The following SYNE2 variants were observed in gnomAD, a reference collection of about 807,000 sequenced individuals.
SYNE2 encodes nesprin-2.
Under a neutral mutation model 856.3 loss-of-function variants are expected in SYNE2, and 431 were observed. The observed-to-expected ratio is 0.50, with a 90% CI of 0.47 to 0.55. SYNE2 has a LOEUF of 0.55. Ranked by LOEUF, SYNE2 falls within the 20% of genes least tolerant of loss-of-function variation. The pLI is 0.00. For synonymous variants in SYNE2, 2,923 were observed against 2,872.3 expected, an observed-to-expected ratio of 1.02 and a Z score of -0.56; for missense variants, 8,129 against 8,023.2, an observed-to-expected ratio of 1.01 and a Z score of -0.50.
intron 2 of SYNE2, among the ~76,000 whole-genome samples, chr14:63,927,234 AG>A (rs1187545552): frequency 2.0e-5 from 3 of 152,208 alleles, no homozygotes. Flanking sequence ...GAAGCATTCC[AG>A]GGTAGAGTTG....
At chr14:63,823,066 T>C (rs1889283270) in intron 1 of SYNE2, among the ~76,000 whole-genome samples, 1 of 152,012 alleles carries the variant, frequency 6.6e-6, no homozygotes, top group South Asian at 2.1e-4. Context: ...ACCATGCTAC[T>C]GCACTCCAGC....
At chr14:63,859,949 C>T (rs12891765) in intron 1 of SYNE2, among the ~76,000 whole-genome samples, 2,579 of 35,840 alleles carry the variant, frequency 0.072, 106 homozygotes, top group South Asian at 0.29. Context: ...CCTTCCTTCC[C>T]TCCCTCCCTC....
chr14:63,982,571 A>C, intron 16 of SYNE2, 59 bp from the exon 17 acceptor site: 1 of 1,532,742 alleles, frequency 6.5e-7, no homozygotes, highest in Non-Finnish European at 9.0e-7. Flanking sequence ...CATTGATTAT[A>C]CATAATAGAA....
At chr14:64,024,699 A>G (rs2096964147) in intron 39 of SYNE2, among the ~76,000 whole-genome samples, 1 of 152,184 alleles carries the variant, frequency 6.6e-6, no homozygotes, top group African/African-American at 2.4e-5. Flanking sequence ...CCTGTTCTCT[A>G]TGAGACATTT....
Position 64,016,533 on chromosome 14 carries a change from G to T in SYNE2, c.4789G>T (p.Val1597Phe), listed in dbSNP as rs1487192395. ...HLEVVDKINQ[V>F]CKNLQFYLNK... The stretch of plus-strand genomic sequence containing the variant: ...AGAAGTTGTAGACAAGATAAACCAG[G>T]TCTGCAAAAATCTACAATTTTATCT... Residue 1597 changes from valine (V) to phenylalanine (F), a missense_variant, in exon 33 of 116, where the codon GTC (valine) becomes TTC (phenylalanine). Physicochemically the swap from Val to Phe is conservative, Grantham distance 50. Around this residue, in one of 3 missense-constraint regions of SYNE2, gnomAD observed 2,422 missense variants for 2,357.4 expected, o/e 1.03. Transcript: ENST00000555002. The T allele has an allele frequency of 6.2e-7, 1 of 1,603,982 alleles. No homozygotes were observed. Among genetic ancestry groups the T allele is most frequent in the Admixed American group, 1.7e-5 (1 of 59,364 alleles).
Position 64,034,178 on chromosome 14 carries a change from G to A in SYNE2, c.7221+2821G>A, listed in dbSNP as rs540195876. Among the ~76,000 whole-genome samples, 5 of 152,138 alleles carry A rather than the reference G, an allele frequency of 3.3e-5. No homozygotes were observed. The South Asian group carries it at 8.3e-4, about 25-fold the overall frequency. On this transcript the variant is annotated intron_variant, in intron 45 of 115. Coordinates refer to ENST00000555002, the MANE Select transcript of SYNE2 (RefSeq NM_182914.3). ...GGATTCTCAATATAATGAATACGTA[G>A]GACACATAAAGGCACAGTTTACTGA...
chr14:63,884,334 G>A (rs1204066532), intron 1 of SYNE2, among the ~76,000 whole-genome samples: 1 of 152,174 alleles, frequency 6.6e-6, no homozygotes, highest in African/African-American at 2.4e-5. Context: ...AAAGGTAGGA[G>A]TTACTCGTTG....
rs1314619244 is a variant in SYNE2, at chr14:64,052,013, G to T, written c.8100G>T (p.Lys2700Asn). ...MKRIWGEKEK[K>N]NLEDGINNLK... ...GGATTTGGGGAGAAAAAGAAAAGAA[G>T]AATTTGGAGGATGGAATAAATAACT... is the stretch of plus-strand genomic sequence containing the variant. Residue 2700 changes from lysine to asparagine, a missense_variant, in exon 48 of 116, where the codon AAG (lysine) becomes AAT (asparagine). Lys to Asn is a moderately conservative substitution (Grantham distance 94). This residue lies in a region of SYNE2 where 5,410 missense variants were observed against 5,284.8 expected (regional missense o/e 1.02). Coordinates refer to ENST00000555002, the MANE Select transcript of SYNE2 (RefSeq NM_182914.3). The T allele has an allele frequency of 1.9e-6, 3 of 1,613,624 alleles. No individual in the cohort carries two copies. In the African/African-American group the frequency reaches 4.0e-5, roughly 22 times the overall value.
chr14:63,895,962 T>G (rs891922475), intron 1 of SYNE2, among the ~76,000 whole-genome samples: 1 of 152,132 alleles, frequency 6.6e-6, no homozygotes, highest in Non-Finnish European at 1.5e-5. Flanking sequence ...TGAAGCACTT[T>G]ATAGAGAAAC....
intron 11 of SYNE2, among the ~76,000 whole-genome samples, chr14:63,972,359 T>C (rs932138304): frequency 1.3e-5 from 2 of 152,164 alleles, no homozygotes; most frequent in African/African-American, 4.8e-5. Flanking sequence ...AAAAGAACTA[T>C]TTTACAAGAT....
intron 32 of SYNE2, among the ~76,000 whole-genome samples, chr14:64,012,265 G>A (rs1270035417): frequency 1.3e-5 from 2 of 152,116 alleles, no homozygotes; most frequent in Non-Finnish European, 2.9e-5. Flanking sequence ...TGGTGAGTCA[G>A]TTACCACTCA....
In SYNE2 at chr14:64,009,956, C is replaced by G; in HGVS notation, c.4578-10C>G. 6.2e-7 allele frequency: 1 copy of G among 1,611,740 alleles called. No individual in the cohort carries two copies. The highest frequency in any genetic ancestry group is 8.5e-7 in the Non-Finnish European group (1 of 1,178,748). On this transcript the variant is annotated splice_polypyrimidine_tract_variant and intron_variant, in intron 31 of 115. Transcript: ENST00000555002. ...GGACATTTAGCTATTGTATATTTTT[C>G]TATTCTTAGTCTTGAACAATGTGGG...
intron 1 of SYNE2, among the ~76,000 whole-genome samples, chr14:63,896,361 A>T (rs2095252951): frequency 6.6e-6 from 1 of 152,192 alleles, no homozygotes; most frequent in South Asian, 2.1e-4. Flanking sequence ...ACTGAAATAC[A>T]TTTTAATAAA....
rs945745890 is a variant in SYNE2 at position 64,216,357 on chromosome 14, T to C, written c.19512T>C (p.Pro6504=). 1.2e-6 allele frequency: 2 copies of C among 1,614,204 alleles called. No homozygotes were observed. The highest frequency in any genetic ancestry group is 1.7e-5 in the Admixed American group (1 of 60,036). ...EGDRNVPPVP[P]ASSTPYKPPY... ...ACAGGAATGTTCCACCTGTTCCCCCTGCGTCCAGCACCCCTTATAAACCAC... is the reference window on the plus strand; with the variant it reads ...ACAGGAATGTTCCACCTGTTCCCCCCGCGTCCAGCACCCCTTATAAACCAC... Residue 6504 remains proline (P), a synonymous_variant, in exon 108 of 116, where the codon CCT becomes CCC. Coordinates refer to ENST00000555002, the MANE Select transcript of SYNE2 (RefSeq NM_182914.3).
In SYNE2 at chr14:64,003,308, A is replaced by G. The variant is rs1482814444; in HGVS notation, c.4375A>G (p.Thr1459Ala). ...QISKIGLKDP[T>A]VPAVKHRKKS... Reference sequence around the variant, plus strand: ...CAGTAAAATTGGTCTTAAGGATCCTACTGTTCCAGCTGTGAAACATCGGTA... The same window carrying G: ...CAGTAAAATTGGTCTTAAGGATCCTGCTGTTCCAGCTGTGAAACATCGGTA... Residue 1459 changes from threonine to alanine, a missense_variant, in exon 30 of 116, where the codon ACT becomes GCT. Thr to Ala is a moderately conservative substitution (Grantham distance 58). Around this residue, in one of 3 missense-constraint regions of SYNE2, gnomAD observed 2,422 missense variants for 2,357.4 expected, o/e 1.03. Coordinates refer to ENST00000555002, the MANE Select transcript of SYNE2 (RefSeq NM_182914.3). 2 of 1,614,110 alleles carry G rather than the reference A, an allele frequency of 1.2e-6. No individual in the cohort carries two copies. Among genetic ancestry groups the G allele is most frequent in the East Asian group, 2.2e-5 (1 of 44,876 alleles).
At chr14:64,147,430 A>C (rs116873188) in intron 84 of SYNE2, among the ~76,000 whole-genome samples, 1 of 152,216 alleles carries the variant, frequency 6.6e-6, no homozygotes, top group Non-Finnish European at 1.5e-5. Flanking sequence ...AATGAAGTTC[A>C]CATGTTTTAG....
At position 64,065,440 on chromosome 14, in the gene SYNE2, G is replaced by A; in HGVS notation, c.10221G>A (p.Val3407=). The part of the protein sequence containing the change: ...LERLEQSKAL[V]SNLISTKEEL... ...TTCTTTTCTTTCTTAAGGCCTTGGT[G>A]TCAAATCTTATATCAACCAAAGAAG... Residue 3407 remains valine, a synonymous_variant, in exon 51 of 116, where the codon GTG becomes GTA. Transcript: ENST00000555002. 3.1e-6 allele frequency: 5 copies of A among 1,613,960 alleles called. No homozygotes were observed. Among genetic ancestry groups the A allele is most frequent in the Non-Finnish European group, 4.2e-6 (5 of 1,179,962 alleles).
chr14:63,942,450 T>G (rs2884111), intron 6 of SYNE2, among the ~76,000 whole-genome samples: 2 of 151,814 alleles, frequency 1.3e-5, no homozygotes, highest in African/African-American at 4.8e-5. Context: ...TCCTGAGTGG[T>G]TGGGACTACA....
chr14:64,089,717 A>T, intron 59 of SYNE2, 21 bp downstream of exon 59: 1 of 1,529,144 alleles, frequency 6.5e-7, no homozygotes, highest in Non-Finnish European at 9.0e-7. Flanking sequence ...ATTATTATTT[A>T]AAGTATTTTC....
Sources: allele counts gnomAD v4.1 joint callset (sites outside exome capture counted in the v4.1 genomes callset), GRCh38; gene constraint gnomAD v4.1.1; regional missense constraint gnomAD v4.1.1; transcripts MANE v1.5; gene names NCBI Gene and HGNC (gene_info 2026-07-23, HGNC 2026-07-21).